Variants in NRXN1 observed in about 807,000 individuals in gnomAD.
NRXN1 encodes neurexin 1, also known as neurexin-1.
In NRXN1, 39 loss-of-function variants were observed where a neutral mutation model predicts 150.9. That is an observed-to-expected ratio of 0.26 (90% CI 0.20 to 0.34). The LOEUF (loss-of-function observed/expected upper bound fraction) is 0.34, where lower values mean the gene tolerates loss of function less well. Among genes scored for constraint, NRXN1 ranks in the 10% least tolerant of loss-of-function variants. The pLI, the probability that NRXN1 is intolerant of heterozygous loss-of-function variation, is 1.00. For missense variants in NRXN1, 1,815 were observed against 1,949.9 expected, an observed-to-expected ratio of 0.93 and a Z score of 1.30; for synonymous variants, 924 against 757.0, an observed-to-expected ratio of 1.22 and a Z score of -3.62.
intron 12 of NRXN1, among the ~76,000 whole-genome samples, chr2:50,512,243 T>G (rs2092478298): frequency 6.6e-6 from 1 of 152,170 alleles, no homozygotes; most frequent in Non-Finnish European, 1.5e-5. Flanking sequence ...ATCACTTTTG[T>G]TTTGGCACAG....
chr2:50,502,100 A>AT (rs1218649864), intron 13 of NRXN1, among the ~76,000 whole-genome samples: 1 of 152,114 alleles, frequency 6.6e-6, no homozygotes, highest in East Asian at 1.9e-4. Context: ...TCATTGCCAC[A>AT]TTTGGAAGCC....
rs992467211 is a variant in NRXN1, at chr2:50,411,655, G to A, written c.3364+53787C>T. Among the ~76,000 whole-genome samples the A allele has an allele frequency of 4.0e-5, 6 of 151,632 alleles. No homozygotes were observed. In the East Asian group the frequency reaches 1.2e-3, roughly 30 times the overall value. On this transcript the variant is annotated intron_variant, in intron 17 of 22. Transcript: ENST00000401669. ...TGACCGGCCGCCCCGTCTGAGAAGT[G>A]AGGAGCCCCTCCGCCCGGCAGCCGC...
chr2:50,789,787 A>G (rs559205034), intron 5 of NRXN1, among the ~76,000 whole-genome samples: 38 of 152,342 alleles, frequency 2.5e-4, no homozygotes, highest in Non-Finnish European at 3.8e-4. Context: ...GAGATACTCA[A>G]TTACAGAAAA....
intron 2 of NRXN1, among the ~76,000 whole-genome samples, chr2:51,022,829 T>G (rs1669842001): frequency 6.6e-6 from 1 of 152,176 alleles, no homozygotes; most frequent in South Asian, 2.1e-4. Flanking sequence ...ATATATTTTG[T>G]CACTAGAACA....
rs756317693 is a variant in NRXN1, at chr2:50,552,938, C to A, written c.1408G>T (p.Ala470Ser). The A allele has an allele frequency of 6.2e-7, 1 of 1,613,590 alleles. No homozygotes were observed. The highest frequency in any genetic ancestry group is 1.3e-5 in the African/African-American group (1 of 74,928). ...DPKMKIHGVV[A>S]FKCENVATLD... ...GTTGCAACATTCTCACATTTAAATGCCACCACTCCATGGATCTTCATCTTA... is the reference window on the plus strand; with the variant it reads ...GTTGCAACATTCTCACATTTAAATGACACCACTCCATGGATCTTCATCTTA... The change falls in exon 9 of 23, where the codon GCA becomes TCA. Residue 470 changes from alanine to serine, a missense_variant. This residue lies in a region of NRXN1 where 638 missense variants were observed against 652.6 expected (regional missense o/e 0.98). Coordinates refer to ENST00000401669, the MANE Select transcript of NRXN1 (RefSeq NM_001330078.2).
At chr2:50,892,781 T>C (rs1681276278) in intron 5 of NRXN1, among the ~76,000 whole-genome samples, 1 of 152,210 alleles carries the variant, frequency 6.6e-6, no homozygotes, top group East Asian at 1.9e-4. Flanking sequence ...ACACATATTA[T>C]ATATTGGAGC....
chr2:50,921,404 T>C (rs1422673111), intron 5 of NRXN1, among the ~76,000 whole-genome samples: 1 of 151,812 alleles, frequency 6.6e-6, no homozygotes, highest in African/African-American at 2.4e-5. Flanking sequence ...AGTGTTCATG[T>C]GCATAAATGA....
chr2:50,755,042 TAGACTC>T (rs1307811564), intron 5 of NRXN1, among the ~76,000 whole-genome samples: 3 of 151,938 alleles, frequency 2.0e-5, no homozygotes, highest in African/African-American at 7.2e-5. Context: ...AGAATCAACT[TAGACTC>T]AGATTAGTGG....
chr2:50,214,646 C>A (rs555133607), intron 18 of NRXN1, among the ~76,000 whole-genome samples: 1 of 152,040 alleles, frequency 6.6e-6, no homozygotes, highest in South Asian at 2.1e-4. Flanking sequence ...AAATAGAGAG[C>A]TTGACTTCTG....
chr2:50,931,645 A>G (rs999938031), intron 2 of NRXN1, among the ~76,000 whole-genome samples: 1 of 150,820 alleles, frequency 6.6e-6, no homozygotes, highest in Non-Finnish European at 1.5e-5. Context: ...CAGCATATTA[A>G]AAGGATTTGA....
intron 16 of NRXN1, among the ~76,000 whole-genome samples, chr2:50,467,195 G>A (rs1420882514): frequency 6.6e-6 from 1 of 151,648 alleles, no homozygotes; most frequent in Non-Finnish European, 1.5e-5. Flanking sequence ...AGTTACGTCT[G>A]TATTTTCTAC....
intron 5 of NRXN1, among the ~76,000 whole-genome samples, chr2:50,730,631 T>A (rs1697971138): frequency 6.6e-6 from 1 of 151,710 alleles, no homozygotes; most frequent in Non-Finnish European, 1.5e-5. Flanking sequence ...CATTTTTTCG[T>A]CCACTTTGAC....
chr2:50,972,445 T>A lies in NRXN1; in HGVS notation c.773-46490A>T, dbSNP rs1300180586. On this transcript the variant is annotated intron_variant, in intron 2 of 22. Coordinates refer to ENST00000401669, the MANE Select transcript of NRXN1 (RefSeq NM_001330078.2). ...TGACTTAGAGCAGCGATCCCAAACC[T>A]TTTTGGCACCAGGAACTGGTTTTGT... Among the ~76,000 whole-genome samples the A allele has an allele frequency of 7.9e-5, 12 of 152,098 alleles. No homozygotes were observed. In the East Asian group the frequency reaches 2.3e-3, roughly 29 times the overall value.
At chr2:50,898,655 C>T (rs1392128687) in intron 5 of NRXN1, 4 of 420,660 alleles carry the variant, frequency 9.5e-6, no homozygotes, top group South Asian at 3.6e-5. Context: ...TAAATTCCCA[C>T]ATTTCAAAAA....
At chr2:50,797,289 G>A (rs1051694929) in intron 5 of NRXN1, among the ~76,000 whole-genome samples, 40 of 152,010 alleles carry the variant, frequency 2.6e-4, no homozygotes, top group African/African-American at 9.4e-4. Context: ...ATGCAGCAAC[G>A]GCATTTGCAA....
At chr2:50,322,547 A>G (rs939887183) in intron 17 of NRXN1, among the ~76,000 whole-genome samples, 2 of 152,184 alleles carry the variant, frequency 1.3e-5, no homozygotes, top group Non-Finnish European at 2.9e-5. Context: ...CTACTCTGTA[A>G]GTATGAAAGT....
intron 18 of NRXN1, among the ~76,000 whole-genome samples, chr2:50,158,814 C>T (rs554095735): frequency 6.6e-6 from 1 of 152,150 alleles, no homozygotes; most frequent in East Asian, 1.9e-4. Context: ...ATTGGCTACC[C>T]TGTTTATTAA....
chr2:50,217,718 AGTCCTAT>A (rs1255488344), intron 18 of NRXN1, among the ~76,000 whole-genome samples: 1 of 152,062 alleles, frequency 6.6e-6, no homozygotes, highest in African/African-American at 2.4e-5. Context: ...TCCAACCCAG[AGTCCTAT>A]GCAGAAAGAA....
chr2:50,377,823 G>A (rs767941109), intron 17 of NRXN1, among the ~76,000 whole-genome samples: 9 of 152,170 alleles, frequency 5.9e-5, no homozygotes, highest in Non-Finnish European at 1.3e-4. Flanking sequence ...GTAAGGAGCT[G>A]AGTGGTTGAA....
Sources: allele counts gnomAD v4.1 joint callset (sites outside exome capture counted in the v4.1 genomes callset), GRCh38; gene constraint gnomAD v4.1.1; regional missense constraint gnomAD v4.1.1; transcripts MANE v1.5; gene names NCBI Gene and HGNC (gene_info 2026-07-23, HGNC 2026-07-21).